Variants in CNTNAP2 observed in about 807,000 individuals in gnomAD.
The protein encoded by CNTNAP2 is contactin associated protein 2, also known as contactin-associated protein-like 2.
CNTNAP2 carries 98 observed loss-of-function variants against 155.2 expected under a neutral mutation model. The observed-to-expected ratio is 0.63, with a 90% CI of 0.54 to 0.75. The LOEUF (loss-of-function observed/expected upper bound fraction) is 0.75, where lower values mean the gene tolerates loss of function less well. Ranked by LOEUF, CNTNAP2 falls within the 30% of genes least tolerant of loss-of-function variation. CNTNAP2 has a pLI of 0.00. For missense variants in CNTNAP2, 1,727 were observed against 1,688.1 expected (o/e 1.02, Z -0.40); for synonymous variants, 651 against 631.2 (o/e 1.03, Z -0.47).
intron 1 of CNTNAP2, among the ~76,000 whole-genome samples, chr7:146,399,867 T>G (rs1376190338): frequency 6.6e-6 from 1 of 152,202 alleles, no homozygotes; most frequent in African/African-American, 2.4e-5. Context: ...TACTTCAGTT[T>G]CCTTAACTAA....
At chr7:146,882,925 T>C (rs1012448542) in intron 3 of CNTNAP2, among the ~76,000 whole-genome samples, 3 of 152,180 alleles carry the variant, frequency 2.0e-5, no homozygotes, top group Admixed American at 6.6e-5. Context: ...TCAGAGATGA[T>C]GCAAATAAAT....
intron 1 of CNTNAP2, among the ~76,000 whole-genome samples, chr7:146,303,323 T>C (rs947169999): frequency 6.6e-6 from 1 of 152,070 alleles, no homozygotes; most frequent in Admixed American, 6.6e-5. Flanking sequence ...TTATAAGCAA[T>C]TTGCCAGTCT....
At chr7:146,685,738 T>A (rs2129170698) in intron 1 of CNTNAP2, among the ~76,000 whole-genome samples, 1 of 150,894 alleles carries the variant, frequency 6.6e-6, no homozygotes, top group South Asian at 2.1e-4. Context: ...AAAAAAAAAA[T>A]GCTTTTGACA....
chr7:146,451,039 C>CG (rs1255151734), intron 1 of CNTNAP2, among the ~76,000 whole-genome samples: 1 of 152,014 alleles, frequency 6.6e-6, no homozygotes, highest in East Asian at 1.9e-4. Flanking sequence ...CTCTGACCCC[C>CG]GGGTTCACGC....
At chr7:147,577,212 G>A (rs7811105) in intron 12 of CNTNAP2, among the ~76,000 whole-genome samples, 105,348 of 151,918 alleles carry the variant, frequency 0.69, 37,181 homozygotes, top group African/African-American at 0.82. Flanking sequence ...ATACTTCTGC[G>A]TCACTGCTGC....
intron 1 of CNTNAP2, among the ~76,000 whole-genome samples, chr7:146,549,039 A>G (rs1365733687): frequency 6.6e-6 from 1 of 150,768 alleles, no homozygotes; most frequent in Non-Finnish European, 1.5e-5. Flanking sequence ...TTGTATGTGT[A>G]GTATAAGAGT....
chr7:147,639,374 C>T, intron 13 of CNTNAP2, 68 bp downstream of exon 13: 1 of 1,440,052 alleles, frequency 6.9e-7, no homozygotes. Context: ...CCTAAAGAAT[C>T]CAACAGGTGT....
intron 3 of CNTNAP2, among the ~76,000 whole-genome samples, chr7:146,848,986 G>A (rs966323996): frequency 3.9e-5 from 6 of 152,126 alleles, no homozygotes; most frequent in African/African-American, 1.4e-4. Flanking sequence ...TCGCCATGTT[G>A]GCCAGGCTGG....
chr7:147,604,531 A>G (rs1801025412), intron 12 of CNTNAP2, among the ~76,000 whole-genome samples: 1 of 152,138 alleles, frequency 6.6e-6, no homozygotes, highest in Non-Finnish European at 1.5e-5. Context: ...GGTTGTTCTC[A>G]GCTAATCTCT....
intron 4 of CNTNAP2, chr7:147,097,352 A>G (rs1368415484): frequency 6.6e-6 from 1 of 152,232 alleles, no homozygotes; most frequent in Non-Finnish European, 1.5e-5. Flanking sequence ...TGGATGATGT[A>G]TTAGTTGGTT....
chr7:147,613,022 A>G (rs1485072899), intron 12 of CNTNAP2, among the ~76,000 whole-genome samples: 1 of 152,186 alleles, frequency 6.6e-6, no homozygotes, highest in Non-Finnish European at 1.5e-5. Context: ...GAATTCCTTT[A>G]GGATATATAA....
In CNTNAP2 at chr7:147,568,152, T is replaced by C. The variant is rs969460742; in HGVS notation, c.1897+5895T>C. 3.3e-5 allele frequency among the ~76,000 whole-genome samples: 5 copies of C among 152,122 alleles called. No homozygotes were observed. The East Asian group carries it at 7.7e-4, about 24-fold the overall frequency. ...GTTTCTTGTAAATAAAGTTCAGTAA[T>C]TGGAATAAGTTGATATCTTCACTGC... On this transcript the variant is annotated intron_variant, in intron 12 of 23. Coordinates refer to ENST00000361727, the MANE Select transcript of CNTNAP2 (RefSeq NM_014141.6).
At chr7:146,187,662 C>A (rs748285378) in intron 1 of CNTNAP2, among the ~76,000 whole-genome samples, 5 of 152,056 alleles carry the variant, frequency 3.3e-5, no homozygotes, top group African/African-American at 9.7e-5. Context: ...TCTCCTCCCC[C>A]TCCTTCCCTC....
chr7:148,050,670 C>T (rs1451762461), intron 15 of CNTNAP2, among the ~76,000 whole-genome samples: 2 of 152,186 alleles, frequency 1.3e-5, no homozygotes, highest in Admixed American at 6.5e-5. Context: ...TAGGCCTTCA[C>T]GTTCACTCTC....
chr7:147,106,573 G>A (rs1446536352), intron 4 of CNTNAP2, among the ~76,000 whole-genome samples: 2 of 151,960 alleles, frequency 1.3e-5, no homozygotes, highest in South Asian at 2.1e-4. Context: ...TAAAGTTTAA[G>A]GTCATATTTT....
At chr7:146,367,609 A>C (rs534838894) in intron 1 of CNTNAP2, among the ~76,000 whole-genome samples, 1 of 152,054 alleles carries the variant, frequency 6.6e-6, no homozygotes, top group Non-Finnish European at 1.5e-5. Flanking sequence ...CCTTTGAGAG[A>C]CTTTAATTTT....
intron 3 of CNTNAP2, among the ~76,000 whole-genome samples, chr7:146,991,998 A>G (rs1798216939): frequency 6.6e-6 from 1 of 152,138 alleles, no homozygotes; most frequent in African/African-American, 2.4e-5. Context: ...TATTCATTTC[A>G]AGGTTTTGGT....
chr7:148,386,985 C>T (rs1799225425), intron 22 of CNTNAP2, among the ~76,000 whole-genome samples: 1 of 152,136 alleles, frequency 6.6e-6, no homozygotes, highest in South Asian at 2.1e-4. Flanking sequence ...TCATGCAGGC[C>T]TGAGTGATCT....
At chr7:146,361,007 T>C (rs973712599) in intron 1 of CNTNAP2, among the ~76,000 whole-genome samples, 1 of 152,178 alleles carries the variant, frequency 6.6e-6, no homozygotes, top group Non-Finnish European at 1.5e-5. Context: ...CATCGTGATG[T>C]TTAAGAACAG....
Sources: allele counts gnomAD v4.1 joint callset (sites outside exome capture counted in the v4.1 genomes callset), GRCh38; gene constraint gnomAD v4.1.1; transcripts MANE v1.5; gene names NCBI Gene and HGNC (gene_info 2026-07-23, HGNC 2026-07-21).